Variants in CEACAM1 observed in about 807,000 individuals in gnomAD.
CEACAM1 encodes the protein cell adhesion molecule CEACAM1.
CEACAM1 carries 31 observed loss-of-function variants against 49.1 expected under a neutral mutation model. The observed-to-expected ratio is 0.63, with a 90% CI of 0.47 to 0.85. CEACAM1 has a LOEUF of 0.85. CEACAM1 is among the 40% of genes least tolerant of loss of function. The probability of loss-of-function intolerance (pLI) is 0.00; values close to 1 mark genes in which losing one functional copy is unlikely to be tolerated. For synonymous variants in CEACAM1, 244 were observed against 247.8 expected (o/e 0.98, Z 0.14); for missense variants, 570 against 645.3 (o/e 0.88, Z 1.26).
At position 42,521,509 on chromosome 19, in the gene CEACAM1, G is replaced by T. The variant is rs1237322148; in HGVS notation, c.716C>A (p.Thr239Asn). The T allele has an allele frequency of 1.2e-6, 2 of 1,613,856 alleles. No individual in the cohort carries two copies. The highest frequency in any genetic ancestry group is 2.2e-5 in the East Asian group (1 of 44,870). ...VTLNVTYGPD[T>N]PTISPSDTYY... ...GGTGTCTGAAGGGGAAATGGTGGGG[G>T]TGTCCGGGCCATCTGGAGCAAAGAG... The change falls in exon 4 of 9, where the codon ACC becomes AAC. Residue 239 changes from threonine to asparagine, a missense_variant. Coordinates refer to ENST00000161559, the MANE Select transcript of CEACAM1 (RefSeq NM_001712.5).
Position 42,521,325 on chromosome 19 carries a change from G to C in CEACAM1, c.900C>G (p.His300Gln). The C allele has an allele frequency of 1.9e-6, 3 of 1,614,182 alleles. No homozygotes were observed. Among genetic ancestry groups the C allele is most frequent in the Non-Finnish European group, 2.5e-6 (3 of 1,180,006 alleles). The part of the protein sequence containing the change: ...TVNNSGSYTC[H>Q]ANNSVTGCNR... ...TGCAGCCAGTGACTGAGTTATTGGC[G>C]TGGCAGGTATAGGATCCACTATTAT... Residue 300 changes from histidine (H) to glutamine (Q), a missense_variant, in exon 4 of 9, where the codon CAC becomes CAG. His to Gln is a conservative substitution (Grantham distance 24). Transcript: ENST00000161559.
chr19:42,512,514 G>A (rs754797109), intron 5 of CEACAM1, 35 bp from the exon 6 acceptor site: 5 of 1,600,356 alleles, frequency 3.1e-6, no homozygotes, highest in Non-Finnish European at 3.4e-6. Flanking sequence ...AGAAATGAAA[G>A]TGAAATTATT....
intron 4 of CEACAM1, chr19:42,521,003 G>A (rs2041730477): frequency 2.1e-6 from 1 of 467,404 alleles, no homozygotes. Context: ...CCTCTGTGAA[G>A]CCCCTCCTGC....
chr19:42,511,530 G>A (rs755572563), intron 7 of CEACAM1, 46 bp downstream of exon 7: 21 of 1,504,326 alleles, frequency 1.4e-5, no homozygotes, highest in African/African-American at 8.2e-5. Flanking sequence ...GGGAGGGCAC[G>A]TGGTGGAACA....
chr19:42,509,341 G>A (rs1451436523), intron 8 of CEACAM1, 113 bp from the exon 9 acceptor site: 2 of 1,273,838 alleles, frequency 1.6e-6, no homozygotes, highest in Non-Finnish European at 2.2e-6. Context: ...TAGCTCTGGA[G>A]AAGGGCTTTT....
At chr19:42,509,352 G>T (rs2041398966) in intron 8 of CEACAM1, 124 bp from the exon 9 acceptor site, 3 of 1,103,748 alleles carry the variant, frequency 2.7e-6, no homozygotes, top group East Asian at 2.4e-5. Context: ...AAGGGCTTTT[G>T]TTGTTACCCA....
intron 5 of CEACAM1, among the ~76,000 whole-genome samples, chr19:42,517,506 A>T (rs1454501452): frequency 6.6e-6 from 1 of 152,246 alleles, no homozygotes; most frequent in Non-Finnish European, 1.5e-5. Context: ...TAATTAAAAC[A>T]TGGGCAAAGG....
At position 42,507,645 on chromosome 19, in the gene CEACAM1, A is replaced by G. The variant is rs2041366098; in HGVS notation, c.*1464T>C. The G allele has an allele frequency of 6.6e-6, 1 of 152,246 alleles. No homozygotes were observed. The highest frequency in any genetic ancestry group is 1.5e-5 in the Non-Finnish European group (1 of 68,038). 9.4% of individuals were successfully genotyped at this position (152,246 alleles called of 1,614,324 possible). A position where few individuals can be genotyped will look rare whatever the true frequency, so the allele number is the denominator to read the frequency against. On this transcript the variant is annotated 3_prime_UTR_variant, in exon 9 of 9. Coordinates refer to ENST00000161559, the MANE Select transcript of CEACAM1 (RefSeq NM_001712.5). ...TCCTCCTGTCCTTCCTTTTTATTAT[A>G]AGATACATTTATAGACCCCATAGAA... is the stretch of plus-strand genomic sequence containing the variant.
At chr19:42,511,465 T>C (rs974184335) in intron 7 of CEACAM1, 111 bp downstream of exon 7, 18 of 921,594 alleles carry the variant, frequency 2.0e-5, no homozygotes, top group Non-Finnish European at 3.0e-5. Flanking sequence ...AGAGATCCTT[T>C]CTGTGAAAAT....
rs146178583 is a variant in CEACAM1 at position 42,514,631 on chromosome 19, A to C, written c.1247-2152T>G. Among the ~76,000 whole-genome samples, 89 of 152,104 alleles carry C rather than the reference A, an allele frequency of 5.9e-4. 1 individual carries two copies. In the Middle Eastern group the frequency reaches 0.014, roughly 23 times the overall value. On this transcript the variant is annotated intron_variant, in intron 5 of 8. Transcript: ENST00000161559. ...TTTGGGGCTTAACCCTCACCAGTCAACTCAGGCTGGTGACTAATGCTATGT... is the reference window on the plus strand; with the variant it reads ...TTTGGGGCTTAACCCTCACCAGTCACCTCAGGCTGGTGACTAATGCTATGT...
In CEACAM1 at chr19:42,508,198, G is replaced by A. The variant is rs2041376332; in HGVS notation, c.*911C>T. On this transcript the variant is annotated 3_prime_UTR_variant, in exon 9 of 9. Coordinates refer to ENST00000161559, the MANE Select transcript of CEACAM1 (RefSeq NM_001712.5). Reference sequence around the variant, plus strand: ...AAATGGTGGAATGTCTCAGAGAAAAGGAGAAAAATCCCAATACCCCAAATT... The same window carrying A: ...AAATGGTGGAATGTCTCAGAGAAAAAGAGAAAAATCCCAATACCCCAAATT... The A allele has an allele frequency of 6.6e-6, 1 of 152,074 alleles. No homozygotes were observed. Among genetic ancestry groups the A allele is most frequent in the South Asian group, 2.1e-4 (1 of 4,816 alleles). The allele number at this position is 152,074 out of a possible 1,614,324, so 9.4% of individuals were successfully genotyped here.
intron 4 of CEACAM1, among the ~76,000 whole-genome samples, chr19:42,520,025 A>G (rs1471502462): frequency 6.6e-6 from 1 of 152,220 alleles, no homozygotes; most frequent in South Asian, 2.1e-4. Context: ...TGGAGTTCCA[A>G]TCCGAAGGAT....
Position 42,515,455 on chromosome 19 carries a change from C to A in CEACAM1, c.1247-2976G>T, listed in dbSNP as rs140197544. 3.7e-3 allele frequency among the ~76,000 whole-genome samples: 571 copies of A among 152,272 alleles called. 1 individual carries two copies. Among genetic ancestry groups the A allele is most frequent in the South Asian group, 0.01 (49 of 4,826 alleles). On this transcript the variant is annotated intron_variant, in intron 5 of 8. Transcript: ENST00000161559. ...TTGGGAGGCTGAGGCAGGTGTATCA[C>A]TTGAGCTCAGGAATTTGAGACCAGC...
rs765131863 is a variant in CEACAM1 at position 42,522,147 on chromosome 19, C to G, written c.480G>C (p.Lys160Asn). 2 of 1,614,110 alleles carry G rather than the reference C, an allele frequency of 1.2e-6. No individual in the cohort carries two copies. Among genetic ancestry groups the G allele is most frequent in the African/African-American group, 2.7e-5 (2 of 74,932 alleles). ...GTTCACAGGTGAAGGCCACAGCATC[C>G]TTGTCCTCCACAGGGTTGGAGTTGT... ...SSNNSNPVED[K>N]DAVAFTCEPE... The change falls in exon 3 of 9, where the codon AAG (lysine) becomes AAC (asparagine). Residue 160 changes from lysine (K) to asparagine (N), a missense_variant. Lys to Asn is a moderately conservative substitution (Grantham distance 94, BLOSUM62 0). Transcript: ENST00000161559.
chr19:42,528,220 G>A, intron 1 of CEACAM1, 91 bp downstream of exon 1: 1 of 1,112,856 alleles, frequency 9.0e-7, no homozygotes, highest in African/African-American at 1.6e-5. Flanking sequence ...GAAGCCCTCT[G>A]TCCCCTCTTA....
At position 42,528,361 on chromosome 19, in the gene CEACAM1, G is replaced by A. The variant is rs769171171; in HGVS notation, c.14C>T (p.Ser5Leu). 4 of 1,613,938 alleles carry A rather than the reference G, an allele frequency of 2.5e-6. No homozygotes were observed. Among genetic ancestry groups the A allele is most frequent in the Non-Finnish European group, 3.4e-6 (4 of 1,179,910 alleles). ...TACACGCACTCTGTGAAGTGGGGCT[G>A]AGAGGTGCCCCATGGTGTCTCCTGC... The part of the protein sequence containing the change: MGHL[S>L]APLHRVRVPW... Residue 5 changes from serine to leucine, a missense_variant, in exon 1 of 9, where the codon TCA (serine) becomes TTA (leucine). Physicochemically the swap from Ser to Leu is moderately radical, Grantham distance 145. Coordinates refer to ENST00000161559, the MANE Select transcript of CEACAM1 (RefSeq NM_001712.5).
In CEACAM1 at chr19:42,523,898, G is replaced by A. The variant is rs573607055; in HGVS notation, c.425-1696C>T. Among the ~76,000 whole-genome samples the A allele has an allele frequency of 3.9e-5, 6 of 152,278 alleles. No individual in the cohort carries two copies. The South Asian group carries it at 1.2e-3, about 32-fold the overall frequency. On this transcript the variant is annotated intron_variant, in intron 2 of 8. Coordinates refer to ENST00000161559, the MANE Select transcript of CEACAM1 (RefSeq NM_001712.5). ...ACTCCCTGGGTAGAAGGGACTCATG[G>A]GTCCTGTTAGGAAGACAGAACTTGT... is the stretch of plus-strand genomic sequence containing the variant.
chr19:42,528,326 C>T lies in CEACAM1; in HGVS notation c.49G>A (p.Gly17Arg), dbSNP rs1345309424. 1.2e-6 allele frequency: 2 copies of T among 1,613,744 alleles called. No individual in the cohort carries two copies. The part of the protein sequence containing the change: ...PLHRVRVPWQ[G>R]LLLTASLLTF... ...CTCCCCTCACCTGTGAGCAGAAGCC[C>T]CTGCCAGGGTACACGCACTCTGTGA... The change falls in exon 1 of 9, where the codon GGG becomes AGG. Residue 17 changes from glycine to arginine, a missense_variant. Gly to Arg is a moderately radical substitution (Grantham distance 125). Transcript: ENST00000161559.
At chr19:42,525,408 A>G (rs150909282) in intron 2 of CEACAM1, among the ~76,000 whole-genome samples, 4,379 of 151,738 alleles carry the variant, frequency 0.029, 138 homozygotes, top group African/African-American at 0.084. Context: ...TTGTATTTTT[A>G]GTAGAGATGG....
Sources: gnomAD v4.1 joint callset for allele counts (sites outside exome capture counted in the v4.1 genomes callset) on GRCh38, gnomAD v4.1.1 for gene constraint, MANE v1.5 for transcripts, NCBI Gene and HGNC (gene_info 2026-07-23, HGNC 2026-07-21) for gene names.